PPP1R12A: variants seen among roughly 807,000 people sequenced by gnomAD.
The protein encoded by PPP1R12A is protein phosphatase 1 regulatory subunit 12A.
In PPP1R12A, 19 loss-of-function variants were observed where a neutral mutation model predicts 139.6. The ratio of observed to expected loss-of-function variants is 0.14; its 90% CI spans 0.09 to 0.20. The LOEUF is 0.20. Among genes scored for constraint, PPP1R12A ranks in the 10% least tolerant of loss-of-function variants. The pLI, the probability that PPP1R12A is intolerant of heterozygous loss-of-function variation, is 1.00. For missense variants in PPP1R12A, 925 were observed against 1,211.5 expected, an observed-to-expected ratio of 0.76 and a Z score of 3.51; for synonymous variants, 427 against 420.6, an observed-to-expected ratio of 1.02 and a Z score of -0.19.
rs544030724 is a variant in PPP1R12A, at chr12:79,854,148, C to A, written c.369-8728G>T. Among the ~76,000 whole-genome samples the A allele has an allele frequency of 1.1e-3, 172 of 152,114 alleles. 1 individual carries two copies. The highest frequency in any genetic ancestry group is 2.1e-3 in the Non-Finnish European group (140 of 68,002). On this transcript the variant is annotated intron_variant, in intron 2 of 24. Coordinates refer to ENST00000450142, the MANE Select transcript of PPP1R12A (RefSeq NM_002480.3). ...AAGCTTGCAGAATGCCTATCAGTGACGCAGAAGAAAATCCCAAGCAAGCAA... is the reference window on the plus strand; with the variant it reads ...AAGCTTGCAGAATGCCTATCAGTGAAGCAGAAGAAAATCCCAAGCAAGCAA...
At chr12:79,904,767 G>A (rs962120941) in intron 1 of PPP1R12A, among the ~76,000 whole-genome samples, 1 of 152,124 alleles carries the variant, frequency 6.6e-6, no homozygotes, top group Non-Finnish European at 1.5e-5. Context: ...ACTCTGAAAG[G>A]CAACAGCACT....
intron 2 of PPP1R12A, among the ~76,000 whole-genome samples, chr12:79,852,780 T>G (rs1880209346): frequency 6.6e-6 from 1 of 152,162 alleles, no homozygotes; most frequent in South Asian, 2.1e-4. Flanking sequence ...ACTGCTCCCA[T>G]GTAGCCTCTA....
At chr12:79,915,805 T>C (rs948742835) in intron 1 of PPP1R12A, among the ~76,000 whole-genome samples, 3 of 152,172 alleles carry the variant, frequency 2.0e-5, no homozygotes, top group Non-Finnish European at 4.4e-5. Context: ...CACTGAGTGA[T>C]CAATCAGCAG....
chr12:79,934,863 G>T lies in PPP1R12A; in HGVS notation c.69C>A (p.Asp23Glu), dbSNP rs774091628. Residue 23 changes from aspartate (D) to glutamate (E), a missense_variant, in exon 1 of 25, where the codon GAC becomes GAA. Physicochemically the swap from Asp to Glu is conservative, Grantham distance 45. Transcript: ENST00000450142. ...GGCGCTTCACCACCGGAGGCTCGAG[G>T]TCCGTCTCGGAGCCGATCCAGCGTT... ...QLKRWIGSET[D>E]LEPPVVKRQK... 1.9e-6 allele frequency: 3 copies of T among 1,611,694 alleles called. No individual in the cohort carries two copies. The highest frequency in any genetic ancestry group is 2.5e-6 in the Non-Finnish European group (3 of 1,179,084).
chr12:79,776,787 AAAACT>A, intron 24 of PPP1R12A, among the ~76,000 whole-genome samples: 1 of 152,260 alleles, frequency 6.6e-6, no homozygotes, highest in East Asian at 1.9e-4. Context: ...AAGGATGATT[AAAACT>A]GTATGTTCTT....
At chr12:79,844,515 C>T (rs950158763) in intron 3 of PPP1R12A, among the ~76,000 whole-genome samples, 1 of 152,180 alleles carries the variant, frequency 6.6e-6, no homozygotes, top group Admixed American at 6.5e-5. Context: ...CTTCTCATCA[C>T]TTCATCTACT....
chr12:79,887,862 C>T (rs1054011142), intron 1 of PPP1R12A, among the ~76,000 whole-genome samples: 3 of 152,220 alleles, frequency 2.0e-5, no homozygotes, highest in East Asian at 3.9e-4. Flanking sequence ...CACACCAAAG[C>T]GTTAATTAAC....
chr12:79,839,741 A>ATG (rs1273405936), intron 3 of PPP1R12A, among the ~76,000 whole-genome samples: 1 of 152,014 alleles, frequency 6.6e-6, no homozygotes, highest in East Asian at 1.9e-4. Flanking sequence ...AAGTTTCCTG[A>ATG]TGTGTTTGCT....
chr12:79,778,563 TC>T lies in PPP1R12A; in HGVS notation c.2992del (p.Glu998LysfsTer10). ...TAGTTTACTTACTTTGAGCTCTTCT[TC>T]CATTTCAGATATTCTTCTTTCTAGA... ...RALERRISEM[E>X]EELKMLPDLK... On this transcript the variant is annotated frameshift_variant, in exon 24 of 25. Coordinates refer to ENST00000450142, the MANE Select transcript of PPP1R12A (RefSeq NM_002480.3). LOFTEE classifies it high-confidence loss of function. 6.5e-7 allele frequency: 1 copy of T among 1,536,968 alleles called. No homozygotes were observed. The highest frequency in any genetic ancestry group is 1.2e-5 in the South Asian group (1 of 81,628).
intron 15 of PPP1R12A, among the ~76,000 whole-genome samples, chr12:79,797,713 ATG>A (rs1158441401): frequency 6.6e-6 from 1 of 152,142 alleles, no homozygotes; most frequent in Non-Finnish European, 1.5e-5. Flanking sequence ...GTGTATATAT[ATG>A]TGTGTATATG....
At position 79,775,217 on chromosome 12, in the gene PPP1R12A, TA is replaced by T. The variant is rs1482519819; in HGVS notation, c.*711del. On this transcript the variant is annotated 3_prime_UTR_variant, in exon 25 of 25. Coordinates refer to ENST00000450142, the MANE Select transcript of PPP1R12A (RefSeq NM_002480.3). Reference sequence around the variant, plus strand: ...AGCAGAAAATAGGAATTAAAAGATCTAACCTCAAATGACTTTAAAGCATTCA... The same window carrying T: ...AGCAGAAAATAGGAATTAAAAGATCTACCTCAAATGACTTTAAAGCATTCA... 1.3e-5 allele frequency: 2 copies of T among 152,540 alleles called. No homozygotes were observed. Among genetic ancestry groups the T allele is most frequent in the African/African-American group, 4.8e-5 (2 of 41,444 alleles). The allele number at this position is 152,540 out of a possible 1,614,324, so 9.4% of individuals were successfully genotyped here.
At chr12:79,813,661 T>G (rs1874886902) in intron 9 of PPP1R12A, among the ~76,000 whole-genome samples, 1 of 152,212 alleles carries the variant, frequency 6.6e-6, no homozygotes, top group Non-Finnish European at 1.5e-5. Context: ...AACTTGTTAG[T>G]TAACAATTTT....
At chr12:79,917,997 A>C (rs1231455632) in intron 1 of PPP1R12A, among the ~76,000 whole-genome samples, 1 of 152,090 alleles carries the variant, frequency 6.6e-6, no homozygotes, top group Non-Finnish European at 1.5e-5. Context: ...ATTCCTCTCC[A>C]ACAGTTCTGT....
In PPP1R12A at chr12:79,794,855, A is replaced by C. The variant is rs1204510085; in HGVS notation, c.2583+783T>G. Among the ~76,000 whole-genome samples the C allele has an allele frequency of 2.0e-5, 3 of 152,232 alleles. No homozygotes were observed. In the East Asian group the frequency reaches 5.8e-4, roughly 29 times the overall value. ...AATAGCATAGATATATCTTATAAAC[A>C]TAACAGTTATAAAATTTATAGTTCT... On this transcript the variant is annotated intron_variant, in intron 18 of 24. Transcript: ENST00000450142.
chr12:79,853,842 A>G (rs767001885), intron 2 of PPP1R12A, among the ~76,000 whole-genome samples: 4 of 152,256 alleles, frequency 2.6e-5, no homozygotes, highest in Non-Finnish European at 5.9e-5. Flanking sequence ...CACATTTCCT[A>G]CACATTTTAA....
chr12:79,785,869 T>C (rs1049362100), intron 22 of PPP1R12A, among the ~76,000 whole-genome samples: 5 of 152,082 alleles, frequency 3.3e-5, no homozygotes, highest in Non-Finnish European at 7.4e-5. Flanking sequence ...ATGTACAAGG[T>C]TGTGAGTTTT....
chr12:79,786,174 G>A (rs375237776), intron 22 of PPP1R12A, among the ~76,000 whole-genome samples, 200 bp downstream of exon 22: 3 of 152,112 alleles, frequency 2.0e-5, no homozygotes, highest in African/African-American at 7.2e-5. Context: ...GTATTAAAAG[G>A]CTTTTTATAA....
At position 79,894,315 on chromosome 12, in the gene PPP1R12A, A is replaced by G. The variant is rs555458243; in HGVS notation, c.238-21377T>C. On this transcript the variant is annotated intron_variant, in intron 1 of 24. Transcript: ENST00000450142. ...ACTACTGTGGTAATAAAGTCAGGCAAAAAGACAGAACTGAAGACAGAGTAA... is the reference window on the plus strand; with the variant it reads ...ACTACTGTGGTAATAAAGTCAGGCAGAAAGACAGAACTGAAGACAGAGTAA... Among the ~76,000 whole-genome samples the G allele has an allele frequency of 2.0e-5, 3 of 152,334 alleles. No homozygotes were observed. In the South Asian group the frequency reaches 6.2e-4, roughly 32 times the overall value.
At chr12:79,817,003 T>C (rs1875480967) in intron 9 of PPP1R12A, among the ~76,000 whole-genome samples, 1 of 151,992 alleles carries the variant, frequency 6.6e-6, no homozygotes, top group Admixed American at 6.6e-5. Context: ...TGTGAAATTA[T>C]CAACATGCAC....
Sources: allele counts gnomAD v4.1 joint callset (sites outside exome capture counted in the v4.1 genomes callset), GRCh38; gene constraint gnomAD v4.1.1; transcripts MANE v1.5; gene names NCBI Gene and HGNC (gene_info 2026-07-23, HGNC 2026-07-21).